Variants in PEAK1 observed in about 807,000 individuals in gnomAD.
PEAK1 encodes pseudopodium enriched atypical kinase 1.
A neutral mutation model predicts 124.7 loss-of-function variants in PEAK1; 54 were observed. That is an observed-to-expected ratio of 0.43 (90% CI 0.35 to 0.54). PEAK1 has a LOEUF of 0.54. Among genes scored for constraint, PEAK1 ranks in the 20% least tolerant of loss-of-function variants. The pLI is 0.01. For synonymous variants in PEAK1, 719 were observed against 760.0 expected, an observed-to-expected ratio of 0.95 and a Z score of 0.89; for missense variants, 2,046 against 2,134.5, an observed-to-expected ratio of 0.96 and a Z score of 0.82.
In PEAK1 at chr15:77,181,555, TTCA is replaced by T. The variant is rs751091499; in HGVS notation, c.369_371del (p.Asp123del). ...AAGGCTTAGGAACATGGCTAATTCCTTCATCATCTTCATTATTATTGTTAAGTG... is the reference window on the plus strand; with the variant it reads ...AAGGCTTAGGAACATGGCTAATTCCTTCATCTTCATTATTATTGTTAAGTG... On this transcript the variant is annotated inframe_deletion, in exon 7 of 10. Coordinates refer to ENST00000682557, the MANE Select transcript of PEAK1 (RefSeq NM_001385026.1). 6.2e-6 allele frequency: 10 copies of T among 1,614,126 alleles called. No individual in the cohort carries two copies. The highest frequency in any genetic ancestry group is 8.5e-6 in the Non-Finnish European group (10 of 1,180,018).
intron 1 of PEAK1, chr15:77,418,942 TA>T (rs1236510716): frequency 1.0e-6 from 1 of 985,370 alleles, no homozygotes; most frequent in African/African-American, 1.7e-5. Context: ...TCCAATGACC[TA>T]AAAATAGTCT....
At chr15:77,305,204 A>C (rs916172453) in intron 2 of PEAK1, among the ~76,000 whole-genome samples, 21 of 39,714 alleles carry the variant, frequency 5.3e-4, no homozygotes, top group Non-Finnish European at 8.7e-4. Flanking sequence ...GGACGGAAGG[A>C]GGGAGGGAGG....
intron 2 of PEAK1, among the ~76,000 whole-genome samples, chr15:77,329,574 A>G (rs1159517487): frequency 6.6e-6 from 1 of 152,214 alleles, no homozygotes; most frequent in African/African-American, 2.4e-5. Context: ...CAAGCAAATC[A>G]GAAAGATAAG....
intron 9 of PEAK1, among the ~76,000 whole-genome samples, chr15:77,120,273 G>A (rs1388065303): frequency 1.3e-5 from 2 of 152,126 alleles, no homozygotes; most frequent in African/African-American, 4.8e-5. Flanking sequence ...TGACTTCCGT[G>A]TCTACATTTG....
chr15:77,354,013 G>A (rs2067352659), intron 2 of PEAK1, among the ~76,000 whole-genome samples: 2 of 152,092 alleles, frequency 1.3e-5, no homozygotes, highest in Non-Finnish European at 1.5e-5. Context: ...ATGTCCCTGA[G>A]GATTTTGTCC....
intron 1 of PEAK1, among the ~76,000 whole-genome samples, chr15:77,371,669 C>T (rs1057052705): frequency 1.3e-5 from 2 of 152,198 alleles, no homozygotes; most frequent in Admixed American, 6.5e-5. Flanking sequence ...GGGAGGATCA[C>T]TCGAGGTCCA....
At chr15:77,353,149 CTATTCTGTGGCAAAGGCATTCCAAGT>C (rs1227974617) in intron 2 of PEAK1, among the ~76,000 whole-genome samples, 2 of 152,192 alleles carry the variant, frequency 1.3e-5, no homozygotes, top group Non-Finnish European at 2.9e-5. Flanking sequence ...AACTCCTCGG[CTATTCTGTGGCAAAGGCATTCCAAGT>C]ATCGATCGTG....
At position 77,179,353 on chromosome 15, in the gene PEAK1, T is replaced by G. The variant is rs762168579; in HGVS notation, c.2574A>C (p.Leu858Phe). ...IKPVTPSPSK[L>F]VTSPQSEPPA... Reference sequence around the variant, plus strand: ...GTGGCTCACTTTGGGGGCTAGTCACTAATTTGGAGGGAGAGGGGGTGACTG... The same window carrying G: ...GTGGCTCACTTTGGGGGCTAGTCACGAATTTGGAGGGAGAGGGGGTGACTG... Residue 858 changes from leucine to phenylalanine, a missense_variant, in exon 7 of 10, where the codon TTA becomes TTC. Physicochemically the swap from Leu to Phe is conservative, Grantham distance 22 (BLOSUM62 0). Transcript: ENST00000682557. 19 of 1,613,790 alleles carry G rather than the reference T, an allele frequency of 1.2e-5. No individual in the cohort carries two copies. Among genetic ancestry groups the G allele is most frequent in the Admixed American group, 3.3e-5 (2 of 59,970 alleles).
chr15:77,176,095 A>G (rs1011588161), intron 7 of PEAK1, among the ~76,000 whole-genome samples: 41 of 151,436 alleles, frequency 2.7e-4, no homozygotes, highest in African/African-American at 9.2e-4. Flanking sequence ...CACTCTGTGG[A>G]CTGTTGTGGG....
chr15:77,138,969 CAA>C (rs2053561091), intron 8 of PEAK1, among the ~76,000 whole-genome samples: 1 of 151,400 alleles, frequency 6.6e-6, no homozygotes. Context: ...AACGAAGACA[CAA>C]ACACACATAT....
At chr15:77,382,729 C>G (rs1029757054) in intron 1 of PEAK1, among the ~76,000 whole-genome samples, 4 of 152,000 alleles carry the variant, frequency 2.6e-5, no homozygotes, top group African/African-American at 9.7e-5. Context: ...GTCTAAGAAT[C>G]CTCGGTATTC....
At chr15:77,228,624 A>G (rs1419369670) in intron 6 of PEAK1, among the ~76,000 whole-genome samples, 2 of 152,144 alleles carry the variant, frequency 1.3e-5, no homozygotes, top group African/African-American at 4.8e-5. Flanking sequence ...GAGGATGGGT[A>G]GGTCCCAGGC....
Position 77,113,906 on chromosome 15 carries a change from A to C in PEAK1, c.*250T>G, listed in dbSNP as rs2051129400. On this transcript the variant is annotated 3_prime_UTR_variant, in exon 10 of 10. Transcript: ENST00000682557. Reference sequence around the variant, plus strand: ...TACCTGCATTTATGGGACTATTAGGATAGAAGGTGTTTCAAGGGAAGGCAA... The same window carrying C: ...TACCTGCATTTATGGGACTATTAGGCTAGAAGGTGTTTCAAGGGAAGGCAA... The C allele has an allele frequency of 3.8e-6, 2 of 519,534 alleles. No homozygotes were observed. Among genetic ancestry groups the C allele is most frequent in the Non-Finnish European group, 6.8e-6 (2 of 292,116 alleles). The allele number at this position is 519,534 out of a possible 1,614,324, so 32.2% of individuals were successfully genotyped here.
intron 6 of PEAK1, among the ~76,000 whole-genome samples, chr15:77,234,269 AT>A (rs1335679364): frequency 1.3e-5 from 2 of 152,138 alleles, no homozygotes; most frequent in African/African-American, 4.8e-5. Context: ...ACCAATATCG[AT>A]TAATATATTT....
intron 1 of PEAK1, among the ~76,000 whole-genome samples, chr15:77,384,259 GCCA>G (rs1397550044): frequency 6.6e-6 from 1 of 151,124 alleles, no homozygotes; most frequent in Non-Finnish European, 1.5e-5. Flanking sequence ...CCTGCTGCCA[GCCA>G]CCTGTTTTAG....
At chr15:77,185,944 AC>A (rs1177085202) in intron 6 of PEAK1, among the ~76,000 whole-genome samples, 1 of 152,230 alleles carries the variant, frequency 6.6e-6, no homozygotes, top group Non-Finnish European at 1.5e-5. Context: ...CTAAGGACAC[AC>A]AGTAAATAAG....
At chr15:77,254,614 G>A (rs1596910848) in intron 5 of PEAK1, among the ~76,000 whole-genome samples, 3 of 151,932 alleles carry the variant, frequency 2.0e-5, no homozygotes, top group African/African-American at 4.8e-5. Context: ...TACATTTTTT[G>A]TAGAAACTGG....
At chr15:77,219,309 A>G (rs1200621057) in intron 6 of PEAK1, among the ~76,000 whole-genome samples, 1 of 152,164 alleles carries the variant, frequency 6.6e-6, no homozygotes. Context: ...AAATTTTTCA[A>G]TAATCTGAAT....
At chr15:77,373,467 G>GTA (rs1392827700) in intron 1 of PEAK1, among the ~76,000 whole-genome samples, 1 of 152,070 alleles carries the variant, frequency 6.6e-6, no homozygotes, top group African/African-American at 2.4e-5. Flanking sequence ...TATTGAACTG[G>GTA]TACACACCAA....
Sources: gnomAD v4.1 joint callset for allele counts (sites outside exome capture counted in the v4.1 genomes callset) on GRCh38, gnomAD v4.1.1 for gene constraint, MANE v1.5 for transcripts, NCBI Gene and HGNC (gene_info 2026-07-23, HGNC 2026-07-21) for gene names.